VMP1: variants seen among roughly 807,000 people sequenced by gnomAD.
VMP1 encodes the protein ectopic P-granules autophagy protein 3 homolog.
VMP1 carries 11 observed loss-of-function variants against 56.0 expected under a neutral mutation model. The observed-to-expected ratio is 0.20, with a 90% CI of 0.12 to 0.32. The LOEUF (loss-of-function observed/expected upper bound fraction) is 0.32. Ranked by LOEUF, VMP1 falls within the 10% of genes least tolerant of loss-of-function variation. The pLI is 1.00. For synonymous variants in VMP1, 149 were observed against 165.0 expected, an observed-to-expected ratio of 0.90 and a Z score of 0.74; for missense variants, 296 against 490.3, an observed-to-expected ratio of 0.60 and a Z score of 3.74.
At chr17:59,811,842 G>A (rs1426690973) in intron 9 of VMP1, 56 bp downstream of exon 9, 2 of 1,194,848 alleles carry the variant, frequency 1.7e-6, no homozygotes, top group Non-Finnish European at 2.5e-6. Flanking sequence ...ACAAGACAAT[G>A]AAACATGCTC....
rs138881861 is a variant in VMP1 at position 59,821,733 on chromosome 17, G to A, written c.974+3960G>A. Among the ~76,000 whole-genome samples, 620 of 151,622 alleles carry A rather than the reference G, an allele frequency of 4.1e-3. 2 individuals are homozygous for A. The highest frequency in any genetic ancestry group is 6.3e-3 in the Non-Finnish European group (430 of 67,854). Reference sequence around the variant, plus strand: ...ATGCCCGGCTAATTTTTTATTTTTAGTAGGGACAGGGTTTCTCCATGTTGG... The same window carrying A: ...ATGCCCGGCTAATTTTTTATTTTTAATAGGGACAGGGTTTCTCCATGTTGG... On this transcript the variant is annotated intron_variant, in intron 10 of 11. Transcript: ENST00000262291.
chr17:59,814,340 T>C (rs1045582267), intron 9 of VMP1, among the ~76,000 whole-genome samples: 2 of 152,198 alleles, frequency 1.3e-5, no homozygotes, highest in African/African-American at 4.8e-5. Context: ...TTAATTCTTA[T>C]AATCCTGGGA....
rs1011507286 is a variant in VMP1 at position 59,842,053 on chromosome 17, T to G, written c.*2142T>G. 6 of 152,228 alleles carry G rather than the reference T, an allele frequency of 3.9e-5. No homozygotes were observed. The highest frequency in any genetic ancestry group is 2.1e-4 in the South Asian group (1 of 4,830). 9.4% of individuals were successfully genotyped at this position (152,228 alleles called of 1,614,324 possible). A position where few individuals can be genotyped will look rare whatever the true frequency, so the allele number is the denominator to read the frequency against. ...TCAGAGGTTCCTGCTGGATTCCAGC[T>G]GGAGCGGTGTGATACCCTTCTTTTT... On this transcript the variant is annotated 3_prime_UTR_variant, in exon 12 of 12. Coordinates refer to ENST00000262291, the MANE Select transcript of VMP1 (RefSeq NM_030938.5).
At chr17:59,788,838 TTG>T (rs1428614423) in intron 7 of VMP1, among the ~76,000 whole-genome samples, 1 of 151,780 alleles carries the variant, frequency 6.6e-6, no homozygotes, top group East Asian at 1.9e-4. Flanking sequence ...GAAAATAATT[TTG>T]TGTTATGTCT....
intron 6 of VMP1, among the ~76,000 whole-genome samples, chr17:59,771,341 T>A (rs936857448): frequency 1.3e-5 from 2 of 151,976 alleles, no homozygotes; most frequent in Non-Finnish European, 2.9e-5. Flanking sequence ...CCAAGCTAAT[T>A]TTTTGTAGAG....
At position 59,765,131 on chromosome 17, in the gene VMP1, G is replaced by A; in HGVS notation, c.575G>A (p.Cys192Tyr). 1.9e-6 allele frequency: 3 copies of A among 1,613,218 alleles called. No homozygotes were observed. Among genetic ancestry groups the A allele is most frequent in the Non-Finnish European group, 2.5e-6 (3 of 1,179,740 alleles). ...SIISKVRIEACMWGIGTAIGE... is the reference protein window; with the variant it reads ...SIISKVRIEAYMWGIGTAIGE... The stretch of plus-strand genomic sequence containing the variant: ...ATCTCAAAAGTTAGGATTGAAGCCT[G>A]CATGTGGGTAAGATATGCATTTTCA... Residue 192 changes from cysteine (C) to tyrosine (Y), a missense_variant, in exon 6 of 12, where the codon TGC becomes TAC. This residue lies in a region of VMP1 where 126 missense variants were observed against 231.6 expected (regional missense o/e 0.54). Coordinates refer to ENST00000262291, the MANE Select transcript of VMP1 (RefSeq NM_030938.5).
chr17:59,750,378 T>C (rs1220644030), intron 5 of VMP1, among the ~76,000 whole-genome samples: 1 of 151,686 alleles, frequency 6.6e-6, no homozygotes, highest in Non-Finnish European at 1.5e-5. Context: ...CTCGGCTCAC[T>C]GCAACCTCTG....
intron 5 of VMP1, among the ~76,000 whole-genome samples, chr17:59,743,572 CTCTCTCTCTA>C (rs909327093): frequency 2.2e-4 from 32 of 147,754 alleles, no homozygotes; most frequent in South Asian, 6.3e-4. Context: ...CTCTCTCTCT[CTCTCTCTCTA>C]TATATATATA....
intron 10 of VMP1, chr17:59,833,975 T>C (rs2038896313): frequency 6.6e-6 from 1 of 152,174 alleles, no homozygotes; most frequent in South Asian, 2.1e-4. Context: ...TTTGTTTTTG[T>C]TTTGTTTTGA....
chr17:59,792,477 T>A (rs998858867), intron 7 of VMP1, among the ~76,000 whole-genome samples: 6 of 152,204 alleles, frequency 3.9e-5, no homozygotes, highest in African/African-American at 4.8e-5. Context: ...TTTGACTTTT[T>A]TCTTTTTTTC....
chr17:59,838,441 G>A lies in VMP1; in HGVS notation c.1077+44G>A, dbSNP rs199774918. Reference sequence around the variant, plus strand: ...TTCTTCTCCCCTCTGGGAAGTTTCGGGCTGAAATTACATTCACAGCTCTCA... The same window carrying A: ...TTCTTCTCCCCTCTGGGAAGTTTCGAGCTGAAATTACATTCACAGCTCTCA... On this transcript the variant is annotated intron_variant, in intron 11 of 11. Transcript: ENST00000262291. 10 of 1,597,310 alleles carry A rather than the reference G, an allele frequency of 6.3e-6. No homozygotes were observed. The East Asian group carries it at 2.2e-4, about 36-fold the overall frequency.
At position 59,764,956 on chromosome 17, in the gene VMP1, G is replaced by GT; in HGVS notation, c.415-14dup. 1 of 1,501,360 alleles carries GT rather than the reference G, an allele frequency of 6.7e-7. No homozygotes were observed. Among genetic ancestry groups the GT allele is most frequent in the Non-Finnish European group, 8.9e-7 (1 of 1,124,290 alleles). The allele number at this position is 1,501,360 out of a possible 1,614,324, so 93.0% of individuals were successfully genotyped here. A position where few individuals can be genotyped will look rare whatever the true frequency, so the allele number is the denominator to read the frequency against. On this transcript the variant is annotated splice_polypyrimidine_tract_variant and intron_variant, in intron 5 of 11. Coordinates refer to ENST00000262291, the MANE Select transcript of VMP1 (RefSeq NM_030938.5). Reference sequence around the variant, plus strand: ...TAATAGTTCTTATCAGAAGTTTCTTGTATTTGTTTTATAGGGTCCACATAT... The same window carrying GT: ...TAATAGTTCTTATCAGAAGTTTCTTGTTATTTGTTTTATAGGGTCCACATAT...
In VMP1 at chr17:59,773,861, G is replaced by T. The variant is rs373415620; in HGVS notation, c.690G>T (p.Met230Ile). 6 of 1,612,944 alleles carry T rather than the reference G, an allele frequency of 3.7e-6. No individual in the cohort carries two copies. Among genetic ancestry groups the T allele is most frequent in the Non-Finnish European group, 5.1e-6 (6 of 1,179,640 alleles). Reference protein sequence around the residue: ...DDEEYQEFEEMLEHAESAQDF... With the variant: ...DDEEYQEFEEILEHAESAQDF... ...AAGAGTATCAGGAATTTGAAGAGAT[G>T]CTGGAACATGCAGAGTCTGCACAAG... The change falls in exon 7 of 12, where the codon ATG becomes ATT. Residue 230 changes from methionine to isoleucine, a missense_variant. By Grantham distance (10) the Met-to-Ile change is conservative. This residue lies in a region of VMP1 where 126 missense variants were observed against 231.6 expected (regional missense o/e 0.54). Coordinates refer to ENST00000262291, the MANE Select transcript of VMP1 (RefSeq NM_030938.5).
At chr17:59,801,112 A>AGATGTG (rs2037639920) in intron 7 of VMP1, among the ~76,000 whole-genome samples, 1 of 110,326 alleles carries the variant, frequency 9.1e-6, no homozygotes, top group Admixed American at 9.8e-5. Context: ...ATATATATAT[A>AGATGTG]TGTGTGTGTG....
intron 7 of VMP1, among the ~76,000 whole-genome samples, chr17:59,788,073 T>C (rs1306969320): frequency 6.6e-6 from 1 of 152,200 alleles, no homozygotes; most frequent in Non-Finnish European, 1.5e-5. Context: ...AAAGCAATTA[T>C]CATTGAAACA....
At chr17:59,835,723 C>T (rs983930831) in intron 10 of VMP1, among the ~76,000 whole-genome samples, 3 of 150,688 alleles carry the variant, frequency 2.0e-5, no homozygotes, top group Non-Finnish European at 4.4e-5. Context: ...CTCCCGACCT[C>T]AGGTGATCCG....
chr17:59,713,395 TATA>T (rs549268809), intron 1 of VMP1, among the ~76,000 whole-genome samples: 23 of 151,232 alleles, frequency 1.5e-4, no homozygotes, highest in Admixed American at 3.3e-4. Flanking sequence ...GAACTTAAAG[TATA>T]ATAATAATAA....
intron 6 of VMP1, among the ~76,000 whole-genome samples, chr17:59,765,902 TTATC>T (rs1284604266): frequency 6.6e-6 from 1 of 151,760 alleles, no homozygotes; most frequent in South Asian, 2.1e-4. Flanking sequence ...CTTTTAGAAT[TTATC>T]TAAGAGTTAT....
At chr17:59,762,691 G>A (rs2036099791) in intron 5 of VMP1, among the ~76,000 whole-genome samples, 2 of 152,222 alleles carry the variant, frequency 1.3e-5, no homozygotes, top group South Asian at 4.1e-4. Context: ...ACTTACTAGT[G>A]TGGTTATGGA....
Sources: gnomAD v4.1 joint callset for allele counts (sites outside exome capture counted in the v4.1 genomes callset) on GRCh38, gnomAD v4.1.1 for gene constraint, gnomAD v4.1.1 regional missense constraint, MANE v1.5 for transcripts, NCBI Gene and HGNC (gene_info 2026-07-23, HGNC 2026-07-21) for gene names.